Variants in CAPN3 observed in about 807,000 individuals in gnomAD.
CAPN3 encodes calpain 3, also known as calpain-3.
In CAPN3, 88 loss-of-function variants were observed where a neutral mutation model predicts 114.0. That is an observed-to-expected ratio of 0.77 (90% CI 0.65 to 0.92). CAPN3 has a LOEUF of 0.92. CAPN3 is among the 40% of genes least tolerant of loss of function. The pLI is 0.00. For missense variants in CAPN3, 1,028 were observed against 1,069.0 expected, an observed-to-expected ratio of 0.96 and a Z score of 0.53; for synonymous variants, 386 against 382.9, an observed-to-expected ratio of 1.01 and a Z score of -0.09.
chr15:42,368,202 C>T (rs1270533214), intron 1 of CAPN3, among the ~76,000 whole-genome samples: 1 of 152,202 alleles, frequency 6.6e-6, no homozygotes, highest in African/African-American at 2.4e-5. Flanking sequence ...AAATCTGAGT[C>T]ACCCCACATG....
chr15:42,360,129 G>A lies in CAPN3; in HGVS notation c.309+15G>A, dbSNP rs777644381. The A allele has an allele frequency of 2.5e-6, 4 of 1,614,056 alleles. No individual in the cohort carries two copies. The highest frequency in any genetic ancestry group is 1.7e-5 in the Admixed American group (1 of 60,030). The stretch of plus-strand genomic sequence containing the variant: ...AGAGACCTCCGGTGAGTAGCTTCCT[G>A]CTTGCTGGCTGGGTTTTCCCCCCAC... On this transcript the variant is annotated intron_variant, in intron 1 of 23. Transcript: ENST00000397163.
intron 1 of CAPN3, among the ~76,000 whole-genome samples, chr15:42,376,956 G>A (rs1015870347): frequency 3.0e-4 from 45 of 151,938 alleles, no homozygotes; most frequent in African/African-American, 8.5e-4. Context: ...TTTAAATTTC[G>A]AATTCCAGTT....
intron 1 of CAPN3, among the ~76,000 whole-genome samples, chr15:42,371,521 A>G (rs993376889): frequency 5.3e-5 from 8 of 152,158 alleles, no homozygotes; most frequent in Non-Finnish European, 1.2e-4. Flanking sequence ...AACACCTGCT[A>G]ATGCCTTTTG....
chr15:42,398,768 T>C (rs1239045590), intron 9 of CAPN3, among the ~76,000 whole-genome samples: 2 of 149,766 alleles, frequency 1.3e-5, no homozygotes, highest in Non-Finnish European at 3.0e-5. Context: ...ACTGTGCTAT[T>C]GAGCATTAGA....
intron 1 of CAPN3, among the ~76,000 whole-genome samples, chr15:42,361,769 C>T (rs1595796043): frequency 6.6e-6 from 1 of 152,178 alleles, no homozygotes; most frequent in Non-Finnish European, 1.5e-5. Context: ...CCATGTCCAT[C>T]CTCTTTCCCC....
At chr15:42,362,828 AT>A (rs1369536883) in intron 1 of CAPN3, among the ~76,000 whole-genome samples, 1 of 152,242 alleles carries the variant, frequency 6.6e-6, no homozygotes, top group East Asian at 1.9e-4. Flanking sequence ...TCAGTTCTCC[AT>A]AAACTTCTTC....
intron 1 of CAPN3, among the ~76,000 whole-genome samples, chr15:42,370,682 G>A (rs567799527): frequency 1.3e-5 from 2 of 152,146 alleles, no homozygotes; most frequent in East Asian, 1.9e-4. Context: ...ACACTGACTC[G>A]GCCACTAGCA....
chr15:42,406,911 G>A (rs2054040058), intron 15 of CAPN3, among the ~76,000 whole-genome samples: 2 of 152,282 alleles, frequency 1.3e-5, no homozygotes, highest in South Asian at 4.1e-4. Flanking sequence ...GGCCTGCTGG[G>A]AGCCAAAGCT....
chr15:42,410,536 T>C (rs1223178303), intron 20 of CAPN3, 40 bp downstream of exon 20: 2 of 1,611,970 alleles, frequency 1.2e-6, no homozygotes, highest in African/African-American at 1.3e-5. Context: ...AAGAATGGGG[T>C]TGATTTGGAG....
At chr15:42,402,296 G>T in intron 12 of CAPN3, 161 bp downstream of exon 12, 1 of 1,577,112 alleles carries the variant, frequency 6.3e-7, no homozygotes, top group South Asian at 1.1e-5. Context: ...AGGTGCCTCA[G>T]GGCATTGCAT....
At position 42,402,105 on chromosome 15, in the gene CAPN3, C is replaced by CT. The variant is rs2053889535; in HGVS notation, c.1525-16dup. Reference sequence around the variant, plus strand: ...CCTCATTCACATCTGAAGCATCTTCCTTTCTGTTTCTTCTCAAGGTTCCCA... The same window carrying CT: ...CCTCATTCACATCTGAAGCATCTTCCTTTTCTGTTTCTTCTCAAGGTTCCCA... On this transcript the variant is annotated intron_variant, in intron 11 of 23. Transcript: ENST00000397163. 6.2e-7 allele frequency: 1 copy of CT among 1,614,084 alleles called. No homozygotes were observed. Among genetic ancestry groups the CT allele is most frequent in the Non-Finnish European group, 8.5e-7 (1 of 1,180,016 alleles).
intron 9 of CAPN3, among the ~76,000 whole-genome samples, chr15:42,398,311 G>A (rs534320914): frequency 3.3e-5 from 5 of 152,128 alleles, no homozygotes; most frequent in East Asian, 1.9e-4. Context: ...TAGGCTGGGC[G>A]TGGTGGCTTA....
chr15:42,395,431 G>A (rs2053663247), intron 8 of CAPN3, among the ~76,000 whole-genome samples: 1 of 152,166 alleles, frequency 6.6e-6, no homozygotes, highest in African/African-American at 2.4e-5. Flanking sequence ...TCCGGGGAAG[G>A]ACAGGCAAGC....
chr15:42,384,646 T>A, intron 2 of CAPN3, 94 bp downstream of exon 2: 2 of 937,594 alleles, frequency 2.1e-6, no homozygotes, highest in Non-Finnish European at 3.5e-6. Context: ...CAATCTGTGC[T>A]TGCTTCCAGT....
intron 15 of CAPN3, among the ~76,000 whole-genome samples, chr15:42,407,618 C>T (rs1566983458): frequency 6.6e-6 from 1 of 151,982 alleles, no homozygotes; most frequent in South Asian, 2.1e-4. Context: ...CGTGAGCCAC[C>T]GTGCCCGGCC....
At chr15:42,408,174 C>A in intron 15 of CAPN3, 37 bp from the exon 16 acceptor site, 2 of 1,403,922 alleles carry the variant, frequency 1.4e-6, no homozygotes, top group South Asian at 2.3e-5. Flanking sequence ...AGACTGTAAT[C>A]CTCCCTTCCT....
At chr15:42,411,394 G>A in intron 23 of CAPN3, 49 bp downstream of exon 23, 3 of 1,557,958 alleles carry the variant, frequency 1.9e-6, no homozygotes, top group Non-Finnish European at 1.8e-6. Flanking sequence ...AACTCAAGGT[G>A]GAGGGGTCAA....
At chr15:42,389,350 C>T (rs984053669) in intron 5 of CAPN3, among the ~76,000 whole-genome samples, 2 of 152,210 alleles carry the variant, frequency 1.3e-5, no homozygotes, top group African/African-American at 4.8e-5. Flanking sequence ...AGGCCTGTGT[C>T]AGTGGAGGCC....
At chr15:42,375,136 G>C (rs953929443) in intron 1 of CAPN3, among the ~76,000 whole-genome samples, 3 of 151,764 alleles carry the variant, frequency 2.0e-5, no homozygotes, top group African/African-American at 7.3e-5. Flanking sequence ...CTACAGGCAA[G>C]ATCCATTTCA....
Sources: allele counts gnomAD v4.1 joint callset (sites outside exome capture counted in the v4.1 genomes callset), GRCh38; gene constraint gnomAD v4.1.1; transcripts MANE v1.5; gene names NCBI Gene and HGNC (gene_info 2026-07-23, HGNC 2026-07-21).